ADAMTSL1: variants seen among roughly 807,000 people sequenced by gnomAD.
ADAMTSL1 encodes ADAMTS like 1, also known as ADAMTS-like protein 1.
A neutral mutation model predicts 201.8 loss-of-function variants in ADAMTSL1; 126 were observed. That is an observed-to-expected ratio of 0.62 (90% CI 0.54 to 0.72). ADAMTSL1 has a LOEUF of 0.72. ADAMTSL1 is among the 30% of genes least tolerant of loss of function. The pLI is 0.00. For synonymous variants in ADAMTSL1, 1,121 were observed against 903.4 expected (o/e 1.24, Z -4.32); for missense variants, 2,679 against 2,277.8 (o/e 1.18, Z -3.59).
intron 2 of ADAMTSL1, among the ~76,000 whole-genome samples, chr9:18,395,498 G>C (rs544372482): frequency 1.3e-5 from 2 of 152,294 alleles, no homozygotes; most frequent in East Asian, 3.9e-4. Flanking sequence ...CCAAAGGAAA[G>C]CCTTGAGGAT....
Position 18,305,570 on chromosome 9 carries a change from C to T in ADAMTSL1, c.207+141589C>T, listed in dbSNP as rs539690978. On this transcript the variant is annotated intron_variant, in intron 2 of 29. Coordinates refer to the ADAMTSL1 transcript ENST00000680146. ...GCTTGAGTAGGCGGTTTTCCCCTCA[C>T]AGTGTAAACAAAGCCGCAGGGAAGT... 2.0e-4 allele frequency among the ~76,000 whole-genome samples: 30 copies of T among 152,308 alleles called. No individual in the cohort carries two copies. In the South Asian group the frequency reaches 5.0e-3, roughly 25 times the overall value.
upstream of ADAMTSL1, among the ~76,000 whole-genome samples, chr9:18,470,039 A>T (rs1821147097): frequency 2.6e-5 from 4 of 152,354 alleles, no homozygotes; most frequent in South Asian, 8.3e-4. Flanking sequence ...GTGCCTACAC[A>T]TGGGAGACTC....
chr9:17,993,323 T>A (rs182137779), intron 1 of ADAMTSL1, among the ~76,000 whole-genome samples: 1 of 152,326 alleles, frequency 6.6e-6, no homozygotes, highest in Non-Finnish European at 1.5e-5. Context: ...AATGTTTTTC[T>A]TCCTTACTTG....
intron 3 of ADAMTSL1, among the ~76,000 whole-genome samples, chr9:18,547,074 T>C (rs1587524585): frequency 6.6e-6 from 1 of 152,166 alleles, no homozygotes; most frequent in Admixed American, 6.6e-5. Context: ...TACTTTCTTA[T>C]TACCATTTAA....
At chr9:18,556,227 A>C (rs1274296963) in intron 3 of ADAMTSL1, among the ~76,000 whole-genome samples, 3 of 151,984 alleles carry the variant, frequency 2.0e-5, no homozygotes, top group Non-Finnish European at 4.4e-5. Context: ...TAATTCTATC[A>C]TTATAATAAA....
At chr9:18,640,211 T>C (rs1192881222) in intron 7 of ADAMTSL1, among the ~76,000 whole-genome samples, 1 of 152,128 alleles carries the variant, frequency 6.6e-6, no homozygotes, top group Admixed American at 6.6e-5. Flanking sequence ...TCCAGAATAC[T>C]GTCCTCCGTC....
chr9:18,699,158 C>T (rs898571209), intron 13 of ADAMTSL1, among the ~76,000 whole-genome samples: 5 of 152,138 alleles, frequency 3.3e-5, no homozygotes, highest in Non-Finnish European at 7.4e-5. Flanking sequence ...ACCCAACTTC[C>T]ATCACTGAGC....
intron 2 of ADAMTSL1, among the ~76,000 whole-genome samples, chr9:18,460,084 A>G (rs1820752107): frequency 6.6e-6 from 1 of 152,160 alleles, no homozygotes; most frequent in African/African-American, 2.4e-5. Context: ...AAAAAGTGGG[A>G]AAACTGTTGG....
intron 2 of ADAMTSL1, among the ~76,000 whole-genome samples, chr9:18,368,536 G>A (rs866606307): frequency 1.3e-4 from 20 of 152,114 alleles, no homozygotes; most frequent in African/African-American, 4.8e-4. Flanking sequence ...ACTCAAAGAG[G>A]GCAAGTGATT....
At chr9:17,976,237 T>C (rs1219906598) in intron 1 of ADAMTSL1, among the ~76,000 whole-genome samples, 1 of 151,996 alleles carries the variant, frequency 6.6e-6, no homozygotes, top group Non-Finnish European at 1.5e-5. Context: ...ATTTAGTATT[T>C]TTTTTTTCTA....
intron 1 of ADAMTSL1, among the ~76,000 whole-genome samples, chr9:18,110,818 A>G (rs1824974956): frequency 6.6e-6 from 1 of 152,186 alleles, no homozygotes; most frequent in Non-Finnish European, 1.5e-5. Context: ...GTAATAGTTA[A>G]GGGCAAAAAT....
intron 2 of ADAMTSL1, among the ~76,000 whole-genome samples, chr9:18,205,635 C>G (rs1377955454): frequency 2.0e-5 from 3 of 152,136 alleles, no homozygotes; most frequent in Non-Finnish European, 4.4e-5. Context: ...AAAACCTATG[C>G]TCTTCCTGTA....
chr9:18,271,079 A>C (rs943998544), intron 2 of ADAMTSL1, among the ~76,000 whole-genome samples: 1 of 152,324 alleles, frequency 6.6e-6, no homozygotes, highest in South Asian at 2.1e-4. Flanking sequence ...TGTTGTAAAC[A>C]GTGGAATTTG....
chr9:18,603,571 A>T (rs916687265), intron 4 of ADAMTSL1, among the ~76,000 whole-genome samples: 2 of 152,174 alleles, frequency 1.3e-5, no homozygotes, highest in African/African-American at 4.8e-5. Flanking sequence ...GCATCATTCC[A>T]TACCTCCTCA....
At chr9:18,820,646 G>C (rs1170746774) in intron 21 of ADAMTSL1, among the ~76,000 whole-genome samples, 1 of 152,200 alleles carries the variant, frequency 6.6e-6, no homozygotes, top group Non-Finnish European at 1.5e-5. Context: ...TGTTTGAATT[G>C]TTAGCAGTTT....
intron 1 of ADAMTSL1, among the ~76,000 whole-genome samples, chr9:18,016,676 A>G (rs1820273325): frequency 6.6e-6 from 1 of 152,044 alleles, no homozygotes; most frequent in Non-Finnish European, 1.5e-5. Context: ...ACATTTTTAG[A>G]CTGAATCTCC....
At chr9:18,429,378 A>C (rs1804158076) in intron 2 of ADAMTSL1, among the ~76,000 whole-genome samples, 1 of 152,218 alleles carries the variant, frequency 6.6e-6, no homozygotes, top group Non-Finnish European at 1.5e-5. Context: ...TTTGCATTAC[A>C]TACCCTAAAA....
chr9:18,794,930 TG>T (rs1485324323), intron 19 of ADAMTSL1, among the ~76,000 whole-genome samples: 5 of 152,190 alleles, frequency 3.3e-5, no homozygotes, highest in Admixed American at 6.5e-5. Flanking sequence ...GCATGAGCCA[TG>T]GTGTCTGGCC....
intron 1 of ADAMTSL1, among the ~76,000 whole-genome samples, chr9:18,132,558 T>C (rs533080290): frequency 9.2e-5 from 14 of 152,328 alleles, no homozygotes; most frequent in African/African-American, 3.4e-4. Context: ...ACAACCTAGA[T>C]GGGTTCAACT....
Sources: gnomAD v4.1 joint callset for allele counts (sites outside exome capture counted in the v4.1 genomes callset) on GRCh38, gnomAD v4.1.1 for gene constraint, MANE v1.5 for transcripts, NCBI Gene and HGNC (gene_info 2026-07-23, HGNC 2026-07-21) for gene names.